Variants in NOS1AP observed in about 807,000 individuals in gnomAD.
NOS1AP encodes carboxyl-terminal PDZ ligand of neuronal nitric oxide synthase protein.
In NOS1AP, 21 loss-of-function variants were observed where a neutral mutation model predicts 56.2. That is an observed-to-expected ratio of 0.37 (90% CI 0.26 to 0.54). NOS1AP has a LOEUF of 0.54. NOS1AP is among the 20% of genes least tolerant of loss of function. The probability of loss-of-function intolerance (pLI) is 0.84; values close to 1 mark genes in which losing one functional copy is unlikely to be tolerated. For missense variants in NOS1AP, 522 were observed against 657.8 expected (o/e 0.79, Z 2.26); for synonymous variants, 270 against 274.6 (o/e 0.98, Z 0.17).
At chr1:162,206,582 G>T (rs762435978) in intron 2 of NOS1AP, among the ~76,000 whole-genome samples, 8 of 152,218 alleles carry the variant, frequency 5.3e-5, no homozygotes, top group African/African-American at 7.2e-5. Flanking sequence ...AGTTAGGTAA[G>T]CCTTGTTATC....
chr1:162,229,142 A>G (rs1653038033), intron 2 of NOS1AP, among the ~76,000 whole-genome samples: 1 of 152,224 alleles, frequency 6.6e-6, no homozygotes, highest in African/African-American at 2.4e-5. Context: ...AATAGAGCTG[A>G]CTGGCTCTTT....
chr1:162,078,854 T>G (rs1691828694), intron 1 of NOS1AP, among the ~76,000 whole-genome samples: 1 of 152,172 alleles, frequency 6.6e-6, no homozygotes, highest in Non-Finnish European at 1.5e-5. Flanking sequence ...CTCTGTGAAG[T>G]GGATGTTACC....
At chr1:162,350,008 G>T (rs1375557732) in intron 6 of NOS1AP, among the ~76,000 whole-genome samples, 1 of 152,192 alleles carries the variant, frequency 6.6e-6, no homozygotes, top group African/African-American at 2.4e-5. Flanking sequence ...CTAGGAATGT[G>T]TTTCTTCTTA....
intron 1 of NOS1AP, among the ~76,000 whole-genome samples, chr1:162,085,877 T>G (rs568984031): frequency 2.6e-5 from 4 of 152,212 alleles, no homozygotes; most frequent in Non-Finnish European, 4.4e-5. Flanking sequence ...ATAAACTTTC[T>G]GATTTAATTC....
intron 2 of NOS1AP, among the ~76,000 whole-genome samples, chr1:162,272,868 A>G (rs1654625422): frequency 6.6e-6 from 1 of 152,154 alleles, no homozygotes; most frequent in Non-Finnish European, 1.5e-5. Context: ...GCCTACAGAG[A>G]CGTGTCTGGG....
intron 1 of NOS1AP, among the ~76,000 whole-genome samples, chr1:162,116,662 G>C (rs1334626744): frequency 1.3e-5 from 2 of 152,184 alleles, no homozygotes; most frequent in Non-Finnish European, 2.9e-5. Flanking sequence ...TGGTGTTTCA[G>C]AGATGACACA....
chr1:162,307,813 A>G lies in NOS1AP; in HGVS notation c.344+7107A>G, dbSNP rs180897633. Among the ~76,000 whole-genome samples the G allele has an allele frequency of 1.3e-3, 198 of 152,226 alleles. 1 individual carries two copies. In the East Asian group the frequency reaches 0.034, roughly 26 times the overall value. The stretch of plus-strand genomic sequence containing the variant: ...GTGACAGAGCAAGACTCTGTCTCAA[A>G]AAAGAAAAAAAAAAAAAAGAATTAG... On this transcript the variant is annotated intron_variant, in intron 4 of 9. Transcript: ENST00000361897.
At chr1:162,121,369 T>G (rs1648225684) in intron 1 of NOS1AP, among the ~76,000 whole-genome samples, 1 of 152,052 alleles carries the variant, frequency 6.6e-6, no homozygotes, top group Non-Finnish European at 1.5e-5. Context: ...TCCGCCCATC[T>G]CAGCCTCTCA....
In NOS1AP at chr1:162,070,239, A is replaced by G; in HGVS notation, c.62A>G (p.His21Arg). The G allele has an allele frequency of 6.2e-7, 1 of 1,614,046 alleles. No individual in the cohort carries two copies. The highest frequency in any genetic ancestry group is 8.5e-7 in the Non-Finnish European group (1 of 1,179,940). The change falls in exon 1 of 10, where the codon CAC becomes CGC. Residue 21 changes from histidine to arginine, a missense_variant. Around this residue, in one of 4 missense-constraint regions of NOS1AP, gnomAD observed 132 missense variants for 218.1 expected, o/e 0.61. Coordinates refer to ENST00000361897, the MANE Select transcript of NOS1AP (RefSeq NM_014697.3). ...GGGCACGACCTGCGGATCCCCTTGC[A>G]CAACGAGGACGCCTTCCAGCACGGC... is the stretch of plus-strand genomic sequence containing the variant. Reference protein sequence around the residue: ...DDGHDLRIPLHNEDAFQHGIC... With the variant: ...DDGHDLRIPLRNEDAFQHGIC...
At chr1:162,351,193 A>G (rs1657482655) in intron 6 of NOS1AP, among the ~76,000 whole-genome samples, 1 of 152,196 alleles carries the variant, frequency 6.6e-6, no homozygotes. Flanking sequence ...CTCAGCCCAT[A>G]CACATAAAAC....
At chr1:162,149,509 G>C (rs531103834) in intron 1 of NOS1AP, among the ~76,000 whole-genome samples, 1 of 152,350 alleles carries the variant, frequency 6.6e-6, no homozygotes, top group South Asian at 2.1e-4. Context: ...GTAATGATTA[G>C]TTATCAAGGT....
intron 2 of NOS1AP, among the ~76,000 whole-genome samples, chr1:162,165,732 C>G (rs1650462530): frequency 6.6e-6 from 1 of 152,160 alleles, no homozygotes; most frequent in Non-Finnish European, 1.5e-5. Flanking sequence ...GTCTGTGTCC[C>G]TGATTGTGCC....
At chr1:162,200,207 G>A (rs553158721) in intron 2 of NOS1AP, among the ~76,000 whole-genome samples, 68 of 152,338 alleles carry the variant, frequency 4.5e-4, no homozygotes, top group African/African-American at 1.6e-3. Flanking sequence ...AAGCCTGGGT[G>A]AGAGCACATA....
At chr1:162,319,043 G>T (rs1656325405) in intron 4 of NOS1AP, among the ~76,000 whole-genome samples, 2 of 152,158 alleles carry the variant, frequency 1.3e-5, no homozygotes, top group Non-Finnish European at 2.9e-5. Context: ...TGGACTCAGG[G>T]TTGGTTTGTC....
At position 162,153,054 on chromosome 1, in the gene NOS1AP, A is replaced by G. The variant is rs541091434; in HGVS notation, c.106-1351A>G. ...AAGGCGCTCATGTCATAGATGCTTA[A>G]TCAATGAATCAGTGTTGGGTGGTCC... On this transcript the variant is annotated intron_variant, in intron 1 of 9. Transcript: ENST00000361897. 5.3e-5 allele frequency among the ~76,000 whole-genome samples: 8 copies of G among 152,324 alleles called. No individual in the cohort carries two copies. The South Asian group carries it at 1.7e-3, about 32-fold the overall frequency.
intron 2 of NOS1AP, among the ~76,000 whole-genome samples, chr1:162,206,158 A>G (rs1263663130): frequency 1.3e-5 from 2 of 152,188 alleles, no homozygotes; most frequent in African/African-American, 2.4e-5. Flanking sequence ...AGCAGGGAGT[A>G]ATGTTCAGCA....
intron 2 of NOS1AP, among the ~76,000 whole-genome samples, chr1:162,267,023 G>T (rs1341813094): frequency 6.6e-6 from 1 of 152,178 alleles, no homozygotes; most frequent in African/African-American, 2.4e-5. Flanking sequence ...GGTGGTTCAT[G>T]TGGATCTTGT....
At chr1:162,204,167 G>C (rs1259296867) in intron 2 of NOS1AP, among the ~76,000 whole-genome samples, 1 of 152,186 alleles carries the variant, frequency 6.6e-6, no homozygotes, top group Non-Finnish European at 1.5e-5. Flanking sequence ...GCCCAAAAGG[G>C]CACAAGCAAA....
chr1:162,107,845 G>A (rs1405594052), intron 1 of NOS1AP, among the ~76,000 whole-genome samples: 3 of 152,150 alleles, frequency 2.0e-5, no homozygotes, highest in South Asian at 2.1e-4. Context: ...ACTGTAGGCT[G>A]TTTTTAAATT....
Sources: gnomAD v4.1 joint callset for allele counts (sites outside exome capture counted in the v4.1 genomes callset) on GRCh38, gnomAD v4.1.1 for gene constraint, gnomAD v4.1.1 regional missense constraint, MANE v1.5 for transcripts, NCBI Gene and HGNC (gene_info 2026-07-23, HGNC 2026-07-21) for gene names.